HOMEZ: variants seen among roughly 807,000 people sequenced by gnomAD.
HOMEZ encodes homeobox and leucine zipper encoding.
In HOMEZ, 20 loss-of-function variants were observed where a neutral mutation model predicts 50.1. That is an observed-to-expected ratio of 0.40 (90% confidence interval 0.28 to 0.58). HOMEZ has a LOEUF of 0.58. Among genes scored for constraint, HOMEZ ranks in the 20% least tolerant of loss-of-function variants. The pLI is 0.46. For missense variants in HOMEZ, 579 were observed against 680.5 expected (o/e 0.85, Z 1.66); for synonymous variants, 239 against 254.7 (o/e 0.94, Z 0.59).
At chr14:23,280,734 TA>T (rs1445752904) in intron 1 of HOMEZ, among the ~76,000 whole-genome samples, 13 of 74,374 alleles carry the variant, frequency 1.7e-4, no homozygotes, top group Middle Eastern at 5.2e-3. Flanking sequence ...TATTTTATTT[TA>T]TTTTATTATT....
Position 23,275,675 on chromosome 14 carries a change from T to C in HOMEZ, c.1553A>G (p.Glu518Gly). ...TTCTGGCAGTTCTTCCTCCTCCTCT[T>C]CCTCTTCTTCATCTAGACAAACTAC... ...EVVVCLDEEE[E>G]EEEEELPEDD... is the part of the protein sequence containing the mutation. Residue 518 changes from glutamate to glycine, a missense_variant, in exon 2 of 2, where the codon GAA (glutamate) becomes GGA (glycine). Transcript: ENST00000357460. The C allele has an allele frequency of 1.3e-6, 2 of 1,584,402 alleles. No individual in the cohort carries two copies. Among genetic ancestry groups the C allele is most frequent in the South Asian group, 2.3e-5 (2 of 87,506 alleles).
Position 23,275,995 on chromosome 14 carries a change from C to T in HOMEZ, c.1233G>A (p.Leu411=). Reference sequence around the variant, plus strand: ...GAAACCACTTTAGTTGCCCATGCTTCAAGGCATAGCGTGTGTCACCAAACC... The same window carrying T: ...GAAACCACTTTAGTTGCCCATGCTTTAAGGCATAGCGTGTGTCACCAAACC... ...IQWFGDTRYA[L]KHGQLKWFRD... is the part of the protein sequence containing the mutation. The change falls in exon 2 of 2, where the codon TTG becomes TTA. Residue 411 remains leucine, a synonymous_variant. Transcript: ENST00000357460. 6.2e-7 allele frequency: 1 copy of T among 1,613,304 alleles called. No individual in the cohort carries two copies. Among genetic ancestry groups the T allele is most frequent in the South Asian group, 1.1e-5 (1 of 91,002 alleles).
At chr14:23,281,850 G>C (rs964685789) in intron 1 of HOMEZ, among the ~76,000 whole-genome samples, 1 of 148,720 alleles carries the variant, frequency 6.7e-6, no homozygotes, top group Non-Finnish European at 1.5e-5. Flanking sequence ...CAAAATATTA[G>C]CTGGGCATGG....
At chr14:23,278,165 C>G (rs1419509226) in intron 1 of HOMEZ, among the ~76,000 whole-genome samples, 1 of 148,720 alleles carries the variant, frequency 6.7e-6, no homozygotes, top group Admixed American at 6.7e-5. Flanking sequence ...ATTGCTCTGT[C>G]ACCCAGGCCA....
intron 1 of HOMEZ, among the ~76,000 whole-genome samples, chr14:23,280,094 T>C (rs1886457701): frequency 1.3e-5 from 2 of 152,006 alleles, no homozygotes; most frequent in Non-Finnish European, 1.5e-5. Flanking sequence ...TGGTGGAGTG[T>C]TGGGGGAAGG....
Position 23,275,637 on chromosome 14 carries a change from C to T in HOMEZ, c.1591G>A (p.Glu531Lys), listed in dbSNP as rs1348163471. Residue 531 changes from glutamate (E) to lysine (K), a missense_variant, in exon 2 of 2, where the codon GAG becomes AAG. Physicochemically the swap from Glu to Lys is moderately conservative, Grantham distance 56 (BLOSUM62 1). Transcript: ENST00000357460. ...EEELPEDDEEEEEEEEEDDDD... is the reference protein window; with the variant it reads ...EEELPEDDEEKEEEEEEDDDD... ...TCATCTTCCTCCTCCTCCTCCTCCTCTTCCTCATCATCTTCTGGCAGTTCT... is the reference window on the plus strand; with the variant it reads ...TCATCTTCCTCCTCCTCCTCCTCCTTTTCCTCATCATCTTCTGGCAGTTCT... 1.9e-6 allele frequency: 3 copies of T among 1,558,162 alleles called. No individual in the cohort carries two copies. The highest frequency in any genetic ancestry group is 2.6e-6 in the Non-Finnish European group (3 of 1,149,754).
chr14:23,276,099 G>C lies in HOMEZ; in HGVS notation c.1129C>G (p.Gln377Glu), dbSNP rs562005158. The change falls in exon 2 of 2, where the codon CAG (glutamine) becomes GAG (glutamate). Residue 377 changes from glutamine (Q) to glutamate (E), a missense_variant. By Grantham distance (29) the Gln-to-Glu change is conservative. Transcript: ENST00000357460. The surrounding 1 kb of genome is among the most constrained non-coding windows in gnomAD (Gnocchi z 4.1). ...QLAILKSFFL[Q>E]CQWARREDYQ... ...TCCTCACGCCGTGCCCACTGGCACT[G>C]TAAAAAAAAGGATTTAAGGATAGCC... The C allele has an allele frequency of 4.3e-6, 7 of 1,613,718 alleles. No individual in the cohort carries two copies. In the South Asian group the frequency reaches 7.7e-5, roughly 18 times the overall value.
chr14:23,286,020 G>A lies in HOMEZ; in HGVS notation c.-68C>T, dbSNP rs1886656576. 1.1e-5 allele frequency: 14 copies of A among 1,232,866 alleles called. No homozygotes were observed. The highest frequency in any genetic ancestry group is 1.2e-5 in the Non-Finnish European group (12 of 987,044). 76.4% of individuals were successfully genotyped at this position (1,232,866 alleles called of 1,614,324 possible). ...GGGAGTGGGGTTGCTGCCCGGTGCG[G>A]CCGCTCCGAGCCCACCCCAGCGATG... On this transcript the variant is annotated 5_prime_UTR_variant, in exon 1 of 2. Coordinates refer to ENST00000357460, the MANE Select transcript of HOMEZ (RefSeq NM_020834.3).
rs1201353577 is a variant in HOMEZ, at chr14:23,273,962, ATAAGT to A, written c.*1608_*1612del. On this transcript the variant is annotated 3_prime_UTR_variant, in exon 2 of 2. Transcript: ENST00000357460. Reference sequence around the variant, plus strand: ...TCAATAAGTCCTGCCCCTCCAAACAATAAGTTAAAAGTATGCTGAGTTAGAATGTT... The same window carrying A: ...TCAATAAGTCCTGCCCCTCCAAACAATAAAAGTATGCTGAGTTAGAATGTT... 4 of 152,652 alleles carry A rather than the reference ATAAGT, an allele frequency of 2.6e-5. No homozygotes were observed. The highest frequency in any genetic ancestry group is 1.9e-4 in the East Asian group (1 of 5,202). 9.5% of individuals were successfully genotyped at this position (152,652 alleles called of 1,614,324 possible). A position where few individuals can be genotyped will look rare whatever the true frequency, so the allele number is the denominator to read the frequency against.
intron 1 of HOMEZ, among the ~76,000 whole-genome samples, chr14:23,284,704 G>A (rs549600976): frequency 1.3e-5 from 2 of 152,312 alleles, no homozygotes; most frequent in African/African-American, 4.8e-5. Context: ...ACGCAAGGAA[G>A]AGTATGCATT....
Position 23,276,046 on chromosome 14 carries a change from A to C in HOMEZ, c.1182T>G (p.Gly394=). The change falls in exon 2 of 2, where the codon GGT becomes GGG. Residue 394 remains glycine (G), a synonymous_variant. Coordinates refer to ENST00000357460, the MANE Select transcript of HOMEZ (RefSeq NM_020834.3). The surrounding 1 kb of genome is among the most constrained non-coding windows in gnomAD (Gnocchi z 4.1). ...EDYQKLEQIT[G]LPRPEIIQWF... is the part of the protein sequence containing the mutation. ...ACTGAATGATCTCAGGCCGAGGTAAACCAGTGATCTGTTCTAACTTTTGGT... is the reference window on the plus strand; with the variant it reads ...ACTGAATGATCTCAGGCCGAGGTAACCCAGTGATCTGTTCTAACTTTTGGT... The C allele has an allele frequency of 6.2e-7, 1 of 1,613,906 alleles. No homozygotes were observed. Among genetic ancestry groups the C allele is most frequent in the Non-Finnish European group, 8.5e-7 (1 of 1,179,818 alleles).
At chr14:23,283,930 T>C (rs931605842) in intron 1 of HOMEZ, among the ~76,000 whole-genome samples, 2 of 152,104 alleles carry the variant, frequency 1.3e-5, no homozygotes, top group Non-Finnish European at 2.9e-5. Context: ...AGATGAGATA[T>C]GATCCTTTAG....
At position 23,286,121 on chromosome 14, in the gene HOMEZ, G is replaced by A; in HGVS notation, c.-169C>T. The A allele has an allele frequency of 8.1e-7, 1 of 1,229,278 alleles. No homozygotes were observed. The allele number at this position is 1,229,278 out of a possible 1,614,324, so 76.1% of individuals were successfully genotyped here. A position where few individuals can be genotyped will look rare whatever the true frequency, so the allele number is the denominator to read the frequency against. On this transcript the variant is annotated 5_prime_UTR_variant, in exon 1 of 2. Transcript: ENST00000357460. Reference sequence around the variant, plus strand: ...CCCAGCCCTGCTCGAGCAAGTTGGAGGCGGGGCGGATGGGTGGGGTGGGCG... The same window carrying A: ...CCCAGCCCTGCTCGAGCAAGTTGGAAGCGGGGCGGATGGGTGGGGTGGGCG...
In HOMEZ at chr14:23,275,537, TC is replaced by T; in HGVS notation, c.*37del. On this transcript the variant is annotated 3_prime_UTR_variant, in exon 2 of 2. Coordinates refer to ENST00000357460, the MANE Select transcript of HOMEZ (RefSeq NM_020834.3). The stretch of plus-strand genomic sequence containing the variant: ...TTTAAACAGTTACTAAGTTGGTTCA[TC>T]TTTCAGTAACAGACCTCCCCTCCCC... 6.6e-7 allele frequency: 1 copy of T among 1,505,874 alleles called. No homozygotes were observed. Among genetic ancestry groups the T allele is most frequent in the South Asian group, 1.3e-5 (1 of 75,810 alleles). The allele number at this position is 1,505,874 out of a possible 1,614,324, so 93.3% of individuals were successfully genotyped here.
chr14:23,280,684 A>ATT (rs1189132205), intron 1 of HOMEZ, among the ~76,000 whole-genome samples: 5 of 130,122 alleles, frequency 3.8e-5, no homozygotes, highest in African/African-American at 1.4e-4. Flanking sequence ...CATCTGTTAT[A>ATT]TTTTATTTTT....
rs1277086572 is a variant in HOMEZ, at chr14:23,280,740, ATTATTTTATT to A, written c.41-3563_41-3554del. Among the ~76,000 whole-genome samples the A allele has an allele frequency of 3.5e-3, 143 of 41,240 alleles. 8 individuals carry two copies. The highest frequency in any genetic ancestry group is 9.4e-3 in the African/African-American group (120 of 12,734). The allele number at this position is 41,240 out of a possible 152,430, so 27.1% of individuals were successfully genotyped here. ...ATTTTATTTTATTTTATTTTATTTTATTATTTTATTTTATTTTATTTTATTTTATTTTATT... is the reference window on the plus strand; with the variant it reads ...ATTTTATTTTATTTTATTTTATTTTATTATTTTATTTTATTTTATTTTATT... On this transcript the variant is annotated intron_variant, in intron 1 of 1. Transcript: ENST00000357460.
chr14:23,282,751 G>A (rs1309289356), intron 1 of HOMEZ, among the ~76,000 whole-genome samples: 1 of 152,182 alleles, frequency 6.6e-6, no homozygotes, highest in Non-Finnish European at 1.5e-5. Context: ...CTTTCGTTTA[G>A]GTGGCTTGAT....
intron 1 of HOMEZ, among the ~76,000 whole-genome samples, chr14:23,280,689 ATTTTTATTTTTATATTTTTATTT>A (rs1230398172): frequency 1.7e-5 from 2 of 118,438 alleles, no homozygotes; most frequent in South Asian, 2.6e-4. Context: ...GTTATATTTT[ATTTTTATTTTTATATTTTTATTT>A]TTATTTTATT....
chr14:23,276,325 G>T lies in HOMEZ; in HGVS notation c.903C>A (p.Ala301=). The T allele has an allele frequency of 6.2e-7, 1 of 1,613,836 alleles. No homozygotes were observed. Among genetic ancestry groups the T allele is most frequent in the Middle Eastern group, 1.7e-4 (1 of 6,058 alleles). The change falls in exon 2 of 2, where the codon GCC becomes GCA. Residue 301 remains alanine, a synonymous_variant. Coordinates refer to ENST00000357460, the MANE Select transcript of HOMEZ (RefSeq NM_020834.3). The surrounding 1 kb of genome is among the most constrained non-coding windows in gnomAD (Gnocchi z 4.1). ...SFQVLANGAT[A]ASKPLQPLGC... is the part of the protein sequence containing the mutation. ...CTAGTGGCTGGAGGGGTTTAGAGGC[G>T]GCAGTAGCTCCATTAGCCAGTACCT...
Sources: allele counts gnomAD v4.1 joint callset (sites outside exome capture counted in the v4.1 genomes callset), GRCh38; gene constraint gnomAD v4.1.1; non-coding constraint Gnocchi (gnomAD v3.1); transcripts MANE v1.5; gene names NCBI Gene and HGNC (gene_info 2026-07-23, HGNC 2026-07-21).